DNAAF9: variants seen among roughly 807,000 people sequenced by gnomAD.
The protein encoded by DNAAF9 is shulin.
A neutral mutation model predicts 167.0 loss-of-function variants in DNAAF9; 90 were observed. The observed-to-expected ratio is 0.54, with a 90% confidence interval of 0.45 to 0.64. DNAAF9 has a LOEUF of 0.64. DNAAF9 is among the 30% of genes least tolerant of loss of function. DNAAF9 has a pLI of 0.00. For synonymous variants in DNAAF9, 491 were observed against 508.8 expected (o/e 0.96, Z 0.47); for missense variants, 1,315 against 1,442.2 (o/e 0.91, Z 1.43).
At chr20:3,404,874 A>G (rs1180886801) in intron 1 of DNAAF9, among the ~76,000 whole-genome samples, 1 of 152,248 alleles carries the variant, frequency 6.6e-6, no homozygotes, top group Non-Finnish European at 1.5e-5. Flanking sequence ...ATACCTTGGT[A>G]ATAAGTCCAA....
chr20:3,363,659 C>A lies in DNAAF9; in HGVS notation c.613-4066G>T, dbSNP rs529953859. Among the ~76,000 whole-genome samples the A allele has an allele frequency of 8.0e-5, 12 of 150,804 alleles. No homozygotes were observed. In the East Asian group the frequency reaches 2.3e-3, roughly 29 times the overall value. Reference sequence around the variant, plus strand: ...TATGAGCCCAGGAGTTCAAGACCTGCCTGGGCAATATAGAGAGACCCTGTT... The same window carrying A: ...TATGAGCCCAGGAGTTCAAGACCTGACTGGGCAATATAGAGAGACCCTGTT... On this transcript the variant is annotated intron_variant, in intron 6 of 36. Coordinates refer to ENST00000252032, the MANE Select transcript of DNAAF9 (RefSeq NM_001009984.3).
At chr20:3,271,127 A>G (rs1171482894) in intron 29 of DNAAF9, among the ~76,000 whole-genome samples, 1 of 151,966 alleles carries the variant, frequency 6.6e-6, no homozygotes, top group African/African-American at 2.4e-5. Context: ...CTATTATTTT[A>G]ATTCTGGTAT....
chr20:3,340,064 C>T (rs1429056487), intron 10 of DNAAF9, among the ~76,000 whole-genome samples: 1 of 152,170 alleles, frequency 6.6e-6, no homozygotes, highest in South Asian at 2.1e-4. Flanking sequence ...CAATCTGCCA[C>T]CAAATGCAAA....
chr20:3,294,720 C>A (rs995552141), intron 23 of DNAAF9, 91 bp from the exon 24 acceptor site: 5 of 801,822 alleles, frequency 6.2e-6, no homozygotes, highest in Middle Eastern at 2.3e-4. Flanking sequence ...AAGCCAGAGT[C>A]CAATGACAGA....
intron 5 of DNAAF9, 77 bp from the exon 6 acceptor site, chr20:3,374,231 A>AG: frequency 3.2e-6 from 3 of 928,034 alleles, no homozygotes; most frequent in Non-Finnish European, 5.1e-6. Flanking sequence ...TAACATGGTT[A>AG]GACAGGTATC....
Position 3,359,591 on chromosome 20 carries a change from C to T in DNAAF9, c.615G>A (p.Leu205=). The T allele has an allele frequency of 6.2e-7, 1 of 1,607,910 alleles. No homozygotes were observed. Among genetic ancestry groups the T allele is most frequent in the Non-Finnish European group, 8.5e-7 (1 of 1,175,966 alleles). The change falls in exon 7 of 37, where the codon TTG becomes TTA. Residue 205 remains leucine, a splice_region_variant and synonymous_variant. Transcript: ENST00000252032. ...TCCATAGATTCAAACTCACATCCTG[C>T]AACTGCAACAGAGGGCAAAAACATT... ...GDGFFTMKYE[L]QDVSLNLWNV...
At chr20:3,286,337 CTT>C (rs538887676) in intron 27 of DNAAF9, among the ~76,000 whole-genome samples, 1 of 152,304 alleles carries the variant, frequency 6.6e-6, no homozygotes, top group South Asian at 2.1e-4. Flanking sequence ...AAAGCTGACA[CTT>C]TTGCAGAATT....
At position 3,348,545 on chromosome 20, in the gene DNAAF9, A is replaced by G; in HGVS notation, c.769T>C (p.Ser257Pro). The change falls in exon 8 of 37, where the codon TCA (serine) becomes CCA (proline). Residue 257 changes from serine (S) to proline (P), a missense_variant. Ser to Pro is a moderately conservative substitution (Grantham distance 74, BLOSUM62 -1). Coordinates refer to ENST00000252032, the MANE Select transcript of DNAAF9 (RefSeq NM_001009984.3). ...DTEIPFLLELSESQAGEPFRS... is the reference protein window; with the variant it reads ...DTEIPFLLELPESQAGEPFRS... ...CATACCTCACCCGCCTGAGATTCTG[A>G]AAGTTCTAGCAGGAAAGGAATTTCT... 6.3e-7 allele frequency: 1 copy of G among 1,597,952 alleles called. No individual in the cohort carries two copies. The highest frequency in any genetic ancestry group is 8.5e-7 in the Non-Finnish European group (1 of 1,169,732).
rs778942648 is a variant in DNAAF9, at chr20:3,348,642, A to G, written c.691-19T>C. 2 of 1,512,516 alleles carry G rather than the reference A, an allele frequency of 1.3e-6. No individual in the cohort carries two copies. The highest frequency in any genetic ancestry group is 1.8e-6 in the Non-Finnish European group (2 of 1,101,114). The allele number at this position is 1,512,516 out of a possible 1,614,324, so 93.7% of individuals were successfully genotyped here. A position where few individuals can be genotyped will look rare whatever the true frequency, so the allele number is the denominator to read the frequency against. On this transcript the variant is annotated intron_variant, in intron 7 of 36. Coordinates refer to ENST00000252032, the MANE Select transcript of DNAAF9 (RefSeq NM_001009984.3). ...CCAAATCCTGGGAAAAAAAGGAAAA[A>G]GATAACGTGTTTGGTCATATAAAGG...
At chr20:3,253,645 C>T in intron 36 of DNAAF9, 81 bp downstream of exon 36, 2 of 853,156 alleles carry the variant, frequency 2.3e-6, no homozygotes, top group Non-Finnish European at 4.0e-6. Flanking sequence ...CTCTGGCAGA[C>T]AACCGCTTTG....
intron 7 of DNAAF9, among the ~76,000 whole-genome samples, chr20:3,352,223 C>T (rs1210646240): frequency 6.6e-6 from 1 of 152,140 alleles, no homozygotes; most frequent in East Asian, 1.9e-4. Flanking sequence ...GTACTTGTAA[C>T]TGGTAATCTG....
chr20:3,278,556 T>C (rs1245478276), intron 29 of DNAAF9, among the ~76,000 whole-genome samples: 1 of 152,008 alleles, frequency 6.6e-6, no homozygotes, highest in Non-Finnish European at 1.5e-5. Flanking sequence ...CCATCTCTAC[T>C]AAAAATACAA....
At chr20:3,386,542 C>T (rs2083741068) in intron 1 of DNAAF9, among the ~76,000 whole-genome samples, 1 of 151,982 alleles carries the variant, frequency 6.6e-6, no homozygotes, top group Non-Finnish European at 1.5e-5. Context: ...ATATTCTGGA[C>T]CTAGGATTTG....
Position 3,268,897 on chromosome 20 carries a change from C to CTTTTTTTTTTTTTTTTTTTTTTTTTTTT in DNAAF9, c.2786+1529_2786+1530insAAAAAAAAAAAAAAAAAAAAAAAAAAAA, listed in dbSNP as rs386393120. Reference sequence around the variant, plus strand: ...GTAAAGAGATAATATCTCTATGTTACTTTTTTTTTTTTTTTTTTTTTTTTG... The same window carrying CTTTTTTTTTTTTTTTTTTTTTTTTTTTT: ...GTAAAGAGATAATATCTCTATGTTACTTTTTTTTTTTTTTTTTTTTTTTTTTTTTTTTTTTTTTTTTTTTTTTTTTTTG... On this transcript the variant is annotated intron_variant, in intron 30 of 36. Transcript: ENST00000252032. Among the ~76,000 whole-genome samples, 52 of 85,842 alleles carry CTTTTTTTTTTTTTTTTTTTTTTTTTTTT rather than the reference C, an allele frequency of 6.1e-4. 10 individuals carry two copies. Among genetic ancestry groups the CTTTTTTTTTTTTTTTTTTTTTTTTTTTT allele is most frequent in the Non-Finnish European group, 8.2e-4 (38 of 46,588 alleles). The allele number at this position is 85,842 out of a possible 152,430, so 56.3% of individuals were successfully genotyped here. A position where few individuals can be genotyped will look rare whatever the true frequency, so the allele number is the denominator to read the frequency against.
At chr20:3,343,801 A>C in intron 8 of DNAAF9, 70 bp from the exon 9 acceptor site, 2 of 1,097,118 alleles carry the variant, frequency 1.8e-6, no homozygotes, top group Non-Finnish European at 2.8e-6. Flanking sequence ...CCCCTCACAT[A>C]TGTATGTATG....
intron 1 of DNAAF9, among the ~76,000 whole-genome samples, chr20:3,402,010 G>T (rs1433758408): frequency 6.6e-6 from 1 of 152,188 alleles, no homozygotes; most frequent in African/African-American, 2.4e-5. Flanking sequence ...ACGGGCATGT[G>T]AGGTCAAATT....
chr20:3,310,529 A>G (rs1167528824), intron 20 of DNAAF9, among the ~76,000 whole-genome samples: 1 of 151,682 alleles, frequency 6.6e-6, no homozygotes, highest in Non-Finnish European at 1.5e-5. Flanking sequence ...TATTAAAAAT[A>G]CAAAAATTAG....
intron 1 of DNAAF9, among the ~76,000 whole-genome samples, chr20:3,403,094 TCAC>T (rs1298183887): frequency 2.0e-5 from 3 of 152,064 alleles, no homozygotes; most frequent in Non-Finnish European, 4.4e-5. Flanking sequence ...ACCTCAATCT[TCAC>T]CACAATCTTT....
intron 20 of DNAAF9, among the ~76,000 whole-genome samples, chr20:3,310,385 G>GAAAGAA (rs1447352364): frequency 6.6e-6 from 1 of 150,768 alleles, no homozygotes; most frequent in Non-Finnish European, 1.5e-5. Flanking sequence ...AAGAAAGAAA[G>GAAAGAA]AAAGAATTCC....
Sources: gnomAD v4.1 joint callset for allele counts (sites outside exome capture counted in the v4.1 genomes callset) on GRCh38, gnomAD v4.1.1 for gene constraint, MANE v1.5 for transcripts, NCBI Gene and HGNC (gene_info 2026-07-23, HGNC 2026-07-21) for gene names.